The following MAP3K8 variants were observed in gnomAD, a reference collection of about 807,000 sequenced individuals.
MAP3K8 encodes mitogen-activated protein kinase kinase kinase 8.
A neutral mutation model predicts 45.8 loss-of-function variants in MAP3K8; 22 were observed. The ratio of observed to expected loss-of-function variants is 0.48; its 90% CI spans 0.34 to 0.69. The LOEUF is 0.69. Ranked by LOEUF, MAP3K8 falls within the 30% of genes least tolerant of loss-of-function variation. The pLI is 0.01. For synonymous variants in MAP3K8, 223 were observed against 214.3 expected (o/e 1.04, Z -0.36); for missense variants, 419 against 585.0 (o/e 0.72, Z 2.93).
intron 8 of MAP3K8, 118 bp downstream of exon 8, chr10:30,459,619 A>G (rs1836864203): frequency 8.3e-7 from 1 of 1,205,288 alleles, no homozygotes; most frequent in South Asian, 1.5e-5. Flanking sequence ...CTTGAGTACC[A>G]TACCTTGCTT....
rs763646666 is a variant in MAP3K8 at position 30,460,828 on chromosome 10, T to C, written c.1396T>C (p.Tyr466His). The change falls in exon 9 of 9, where the codon TAT becomes CAT. Residue 466 changes from tyrosine to histidine, a missense_variant. Tyr to His is a moderately conservative substitution (Grantham distance 83). Coordinates refer to ENST00000263056, the MANE Select transcript of MAP3K8 (RefSeq NM_005204.4). ...NLVRGPPTLE[Y>H]G is the part of the protein sequence containing the mutation. ...TGTTCGGGGACCACCAACGCTTGAA[T>C]ATGGCTGAAGGATGCCATGTTTGCT... 6.2e-7 allele frequency: 1 copy of C among 1,613,702 alleles called. No individual in the cohort carries two copies. Among genetic ancestry groups the C allele is most frequent in the Non-Finnish European group, 8.5e-7 (1 of 1,180,018 alleles).
At chr10:30,440,368 A>G (rs1836058888) in intron 3 of MAP3K8, among the ~76,000 whole-genome samples, 1 of 152,208 alleles carries the variant, frequency 6.6e-6, no homozygotes, top group Admixed American at 6.5e-5. Flanking sequence ...GTTGGGGGAA[A>G]GTCGGTGCTG....
At chr10:30,440,759 TTC>T (rs1177347949) in intron 3 of MAP3K8, among the ~76,000 whole-genome samples, 2 of 152,234 alleles carry the variant, frequency 1.3e-5, no homozygotes, top group South Asian at 4.1e-4. Flanking sequence ...GTTTGTGTAT[TTC>T]TCTCATTTTT....
rs146749791 is a variant in MAP3K8 at position 30,450,348 on chromosome 10, T to A, written c.595T>A (p.Trp199Arg). ...NIAELYGAVL[W>R]GETVHLFMEA... ...CGCAGAGCTGTATGGCGCAGTCCTGTGGGGTGAAACTGTCCATCTCTTTAT... is the reference window on the plus strand; with the variant it reads ...CGCAGAGCTGTATGGCGCAGTCCTGAGGGGTGAAACTGTCCATCTCTTTAT... Residue 199 changes from tryptophan (W) to arginine (R), a missense_variant, in exon 5 of 9, where the codon TGG becomes AGG. Trp to Arg is a moderately radical substitution (Grantham distance 101). Coordinates refer to ENST00000263056, the MANE Select transcript of MAP3K8 (RefSeq NM_005204.4). 122 of 1,613,964 alleles carry A rather than the reference T, an allele frequency of 7.6e-5. No individual in the cohort carries two copies. The Middle Eastern group carries it at 3.8e-3, about 50-fold the overall frequency.
rs769734903 is a variant in MAP3K8, at chr10:30,459,512, C to T, written c.1273+11C>T. Reference sequence around the variant, plus strand: ...CTGAGAACATTGCTGGTAGGGACACCCTGCTGTGTGCCGCACACTTACTTC... The same window carrying T: ...CTGAGAACATTGCTGGTAGGGACACTCTGCTGTGTGCCGCACACTTACTTC... On this transcript the variant is annotated intron_variant, in intron 8 of 8. Coordinates refer to ENST00000263056, the MANE Select transcript of MAP3K8 (RefSeq NM_005204.4). 1.2e-6 allele frequency: 2 copies of T among 1,612,824 alleles called. No individual in the cohort carries two copies. The highest frequency in any genetic ancestry group is 1.7e-6 in the Non-Finnish European group (2 of 1,179,808).
intron 3 of MAP3K8, among the ~76,000 whole-genome samples, chr10:30,443,940 A>C (rs999097569): frequency 2.0e-5 from 3 of 152,212 alleles, no homozygotes; most frequent in Non-Finnish European, 1.5e-5. Context: ...CTGTAATCCC[A>C]GCACTTTGGG....
chr10:30,443,950 G>A (rs1316545488), intron 3 of MAP3K8, among the ~76,000 whole-genome samples: 1 of 152,136 alleles, frequency 6.6e-6, no homozygotes. Context: ...AGCACTTTGG[G>A]AGGCTGAGGC....
intron 6 of MAP3K8, among the ~76,000 whole-genome samples, chr10:30,454,609 T>C (rs1836675106): frequency 1.3e-5 from 2 of 151,408 alleles, no homozygotes; most frequent in Admixed American, 6.6e-5. Context: ...CTTTCTCAAC[T>C]CTCTCAAAGC....
chr10:30,447,144 G>A (rs578196618), intron 3 of MAP3K8, among the ~76,000 whole-genome samples: 17 of 152,282 alleles, frequency 1.1e-4, no homozygotes, highest in East Asian at 9.7e-4. Context: ...CAGCCATCTC[G>A]TTTGTGGCTG....
chr10:30,459,173 C>G, intron 7 of MAP3K8, 82 bp from the exon 8 acceptor site: 1 of 1,494,152 alleles, frequency 6.7e-7, no homozygotes, highest in Non-Finnish European at 9.2e-7. Flanking sequence ...GGATTACTTT[C>G]TAGGTCCTGG....
intron 1 of MAP3K8, chr10:30,434,746 C>T: frequency 2.0e-6 from 2 of 985,510 alleles, no homozygotes; most frequent in Non-Finnish European, 2.4e-6. Context: ...TGCCCGAGAC[C>T]CGGTGAGTGC....
chr10:30,455,519 TA>T (rs1456874520), intron 6 of MAP3K8, among the ~76,000 whole-genome samples: 1 of 152,238 alleles, frequency 6.6e-6, no homozygotes, highest in Non-Finnish European at 1.5e-5. Context: ...ATCCAGCATA[TA>T]CAGAATAGAC....
At chr10:30,435,410 G>C (rs1202542276) in intron 1 of MAP3K8, among the ~76,000 whole-genome samples, 1 of 152,164 alleles carries the variant, frequency 6.6e-6, no homozygotes, top group Admixed American at 6.5e-5. Flanking sequence ...GGCATGTAGA[G>C]GTTTTGAAGC....
At chr10:30,459,131 C>T in intron 7 of MAP3K8, 124 bp from the exon 8 acceptor site, 1 of 1,001,862 alleles carries the variant, frequency 1.0e-6, no homozygotes, top group Non-Finnish European at 1.5e-6. Flanking sequence ...AAGGGCTGAA[C>T]TGCATTCGTT....
intron 3 of MAP3K8, among the ~76,000 whole-genome samples, chr10:30,440,536 T>C (rs1253081514): frequency 6.6e-6 from 1 of 152,238 alleles, no homozygotes; most frequent in Admixed American, 6.5e-5. Context: ...TGGAGCAAGA[T>C]AATATTTTGC....
chr10:30,455,825 C>T (rs1402945328), intron 6 of MAP3K8, among the ~76,000 whole-genome samples: 1 of 152,244 alleles, frequency 6.6e-6, no homozygotes, highest in Non-Finnish European at 1.5e-5. Context: ...GTTGGTCCCA[C>T]CAGGGCTGTT....
intron 6 of MAP3K8, among the ~76,000 whole-genome samples, chr10:30,457,493 C>T (rs1295034027): frequency 6.6e-6 from 1 of 152,118 alleles, no homozygotes; most frequent in African/African-American, 2.4e-5. Context: ...GTTTGTAGTT[C>T]ATTTAAATAT....
chr10:30,446,546 AAAAAAG>A (rs1836346408), intron 3 of MAP3K8, among the ~76,000 whole-genome samples: 1 of 151,872 alleles, frequency 6.6e-6, no homozygotes, highest in African/African-American at 2.4e-5. Flanking sequence ...AAAAAAAAAA[AAAAAAG>A]AAGAAGAAGA....
chr10:30,453,375 T>C (rs1466588734), intron 6 of MAP3K8, among the ~76,000 whole-genome samples: 1 of 152,166 alleles, frequency 6.6e-6, no homozygotes, highest in East Asian at 1.9e-4. Context: ...AATTCTATAA[T>C]AAACCTCAAG....
Sources: gnomAD v4.1 joint callset for allele counts (sites outside exome capture counted in the v4.1 genomes callset) on GRCh38, gnomAD v4.1.1 for gene constraint, MANE v1.5 for transcripts, NCBI Gene and HGNC (gene_info 2026-07-23, HGNC 2026-07-21) for gene names.